NFASC: variants seen among roughly 807,000 people sequenced by gnomAD.
NFASC encodes the protein neurofascin homolog.
Under a neutral mutation model 147.5 loss-of-function variants are expected in NFASC, and 43 were observed. The observed-to-expected ratio is 0.29, with a 90% CI of 0.23 to 0.38. The LOEUF is 0.38. Among genes scored for constraint, NFASC ranks in the 10% least tolerant of loss-of-function variants. The pLI is 1.00. For synonymous variants in NFASC, 622 were observed against 665.5 expected (o/e 0.93, Z 1.01); for missense variants, 1,320 against 1,689.0 (o/e 0.78, Z 3.83).
intron 1 of NFASC, among the ~76,000 whole-genome samples, chr1:204,843,675 CCTCCCTTCCTTT>C (rs1476540485): frequency 7.3e-6 from 1 of 137,256 alleles, no homozygotes; most frequent in East Asian, 2.5e-4. Context: ...TCCCTCCCTT[CCTCCCTTCCTTT>C]CTCCCTTTCT....
intron 27 of NFASC, among the ~76,000 whole-genome samples, chr1:205,004,474 T>A (rs1045419550): frequency 6.6e-6 from 1 of 152,212 alleles, no homozygotes; most frequent in African/African-American, 2.4e-5. Flanking sequence ...CCCAGACTCC[T>A]CCCAGCGAGA....
At chr1:204,923,475 C>T (rs1212315286) in intron 2 of NFASC, among the ~76,000 whole-genome samples, 1 of 152,122 alleles carries the variant, frequency 6.6e-6, no homozygotes, top group Non-Finnish European at 1.5e-5. Flanking sequence ...GCAGAGAAAC[C>T]ACTGAGCTTC....
chr1:204,865,826 G>A (rs1172006831), intron 1 of NFASC, among the ~76,000 whole-genome samples: 2 of 152,286 alleles, frequency 1.3e-5, no homozygotes, highest in East Asian at 3.9e-4. Context: ...TCTGTTGGCT[G>A]AATACCCAGA....
At chr1:204,919,906 A>G (rs1161217617) in intron 1 of NFASC, among the ~76,000 whole-genome samples, 1 of 152,184 alleles carries the variant, frequency 6.6e-6, no homozygotes, top group East Asian at 1.9e-4. Flanking sequence ...GGTGTGACCC[A>G]ACATGCCCAG....
chr1:204,963,493 G>C (rs6659901), intron 8 of NFASC, among the ~76,000 whole-genome samples: 2 of 152,086 alleles, frequency 1.3e-5, no homozygotes, highest in South Asian at 2.1e-4. Context: ...ACAGGGGAAC[G>C]TACACATAGA....
At position 204,988,794 on chromosome 1, in the gene NFASC, C is replaced by A; in HGVS notation, c.2755C>A (p.Pro919Thr). 8 of 1,614,078 alleles carry A rather than the reference C, an allele frequency of 5.0e-6. No homozygotes were observed. Among genetic ancestry groups the A allele is most frequent in the Non-Finnish European group, 6.8e-6 (8 of 1,179,982 alleles). Residue 919 changes from proline to threonine, a missense_variant, in exon 23 of 30, where the codon CCC becomes ACC. Coordinates refer to ENST00000339876, the MANE Select transcript of NFASC (RefSeq NM_001005388.3). ...AGCCGTCACAGAGGAGTCACCAGCA[C>A]CCCCGAATGAAGGTAGGTGCATGGC... ...GEAVTEESPAPPNEATPTAAP... is the reference protein window; with the variant it reads ...GEAVTEESPATPNEATPTAAP...
At chr1:204,878,718 C>A (rs1402862468) in intron 1 of NFASC, among the ~76,000 whole-genome samples, 2 of 152,250 alleles carry the variant, frequency 1.3e-5, no homozygotes, top group Admixed American at 6.5e-5. Flanking sequence ...CTGCGGGATC[C>A]TCCCAATTCA....
At chr1:204,977,050 A>G in intron 16 of NFASC, 3 of 1,258,486 alleles carry the variant, frequency 2.4e-6, no homozygotes, top group Non-Finnish European at 3.0e-6. Context: ...TGAGTGATAT[A>G]GAGAAAGTGG....
chr1:204,902,435 A>T (rs1219739726), intron 1 of NFASC, among the ~76,000 whole-genome samples: 1 of 152,262 alleles, frequency 6.6e-6, no homozygotes, highest in Non-Finnish European at 1.5e-5. Flanking sequence ...GACAATTGGA[A>T]ATTTGCACCA....
intron 2 of NFASC, among the ~76,000 whole-genome samples, chr1:204,923,209 C>T (rs2090847513): frequency 6.6e-6 from 1 of 152,188 alleles, no homozygotes; most frequent in African/African-American, 2.4e-5. Flanking sequence ...CCCGGGGCTG[C>T]AGGTGTGAGC....
intron 20 of NFASC, among the ~76,000 whole-genome samples, chr1:204,980,810 G>A (rs958005508): frequency 1.4e-4 from 21 of 152,294 alleles, no homozygotes; most frequent in African/African-American, 4.6e-4. Context: ...AAGTTCTGGT[G>A]TGTCCTAGGG....
At chr1:204,865,276 A>G (rs1458705999) in intron 1 of NFASC, among the ~76,000 whole-genome samples, 3 of 152,234 alleles carry the variant, frequency 2.0e-5, no homozygotes, top group Non-Finnish European at 4.4e-5. Flanking sequence ...ATTAACAGCA[A>G]TAACTAATAA....
intron 2 of NFASC, among the ~76,000 whole-genome samples, chr1:204,937,834 C>T (rs1429197682): frequency 6.6e-6 from 1 of 152,220 alleles, no homozygotes; most frequent in Non-Finnish European, 1.5e-5. Flanking sequence ...TTACTGTCCT[C>T]CCTGCTGGGA....
rs368537572 is a variant in NFASC at position 204,950,551 on chromosome 1, T to C, written c.92-6T>C. 4.9e-4 allele frequency: 784 copies of C among 1,612,410 alleles called. 3 individuals carry two copies. The highest frequency in any genetic ancestry group is 5.8e-4 in the Non-Finnish European group (689 of 1,179,218). Reference sequence around the variant, plus strand: ...CTCTCCAATGCTAACCCGTCGGAACTAACAGCAAGCATTCAGAATGAGCGT... The same window carrying C: ...CTCTCCAATGCTAACCCGTCGGAACCAACAGCAAGCATTCAGAATGAGCGT... On this transcript the variant is annotated splice_region_variant and splice_polypyrimidine_tract_variant and intron_variant, in intron 3 of 29. Transcript: ENST00000339876.
At chr1:204,981,029 A>G (rs1337872279) in intron 20 of NFASC, among the ~76,000 whole-genome samples, 2 of 152,212 alleles carry the variant, frequency 1.3e-5, no homozygotes, top group Non-Finnish European at 2.9e-5. Context: ...TTCCCAAACC[A>G]CTTCCCAGTC....
chr1:204,938,176 T>C (rs1383995567), intron 2 of NFASC, among the ~76,000 whole-genome samples: 1 of 152,094 alleles, frequency 6.6e-6, no homozygotes, highest in Non-Finnish European at 1.5e-5. Flanking sequence ...GCTTGTGGAA[T>C]CAACACCACG....
rs772877774 is a variant in NFASC at position 204,954,973 on chromosome 1, T to G, written c.535+22T>G. On this transcript the variant is annotated intron_variant, in intron 7 of 29. Transcript: ENST00000339876. This position sits in a 1 kb window ranked among gnomAD's most constrained non-coding sequence, Gnocchi z 5.7. ...AGCTGTGAGTCTTGGGGGCCTGGTG[T>G]TGTGTTTATATCTTAACCTTAGGGG... is the stretch of plus-strand genomic sequence containing the variant. The G allele has an allele frequency of 8.1e-6, 13 of 1,613,124 alleles. No homozygotes were observed. The highest frequency in any genetic ancestry group is 1.0e-5 in the Non-Finnish European group (12 of 1,179,504).
At chr1:204,877,079 T>TAATATATTTATTTATATATATATATAA (rs1558550409) in intron 1 of NFASC, among the ~76,000 whole-genome samples, 1 of 110,184 alleles carries the variant, frequency 9.1e-6, no homozygotes, top group African/African-American at 4.1e-5. Context: ...TATATATATA[T>TAATATATTTATTTATATATATATATAA]AATATATTTA....
intron 21 of NFASC, among the ~76,000 whole-genome samples, chr1:204,982,470 G>A (rs2095527503): frequency 6.6e-6 from 1 of 152,190 alleles, no homozygotes; most frequent in African/African-American, 2.4e-5. Flanking sequence ...GCTGGCCAGA[G>A]GTTCCCCCGG....
Sources: gnomAD v4.1 joint callset for allele counts (sites outside exome capture counted in the v4.1 genomes callset) on GRCh38, gnomAD v4.1.1 for gene constraint, Gnocchi (gnomAD v3.1) non-coding constraint, MANE v1.5 for transcripts, NCBI Gene and HGNC (gene_info 2026-07-23, HGNC 2026-07-21) for gene names.